Variants in KAT6B observed in about 807,000 individuals in gnomAD.
The protein encoded by KAT6B is lysine acetyltransferase 6B.
Under a neutral mutation model 187.5 loss-of-function variants are expected in KAT6B, and 10 were observed. The observed-to-expected ratio is 0.05, with a 90% CI of 0.03 to 0.09. KAT6B has a LOEUF of 0.09. KAT6B is among the 10% of genes least tolerant of loss of function. The pLI is 1.00. For synonymous variants in KAT6B, 861 were observed against 926.8 expected, an observed-to-expected ratio of 0.93 and a Z score of 1.29; for missense variants, 1,952 against 2,558.9, an observed-to-expected ratio of 0.76 and a Z score of 5.12.
intron 1 of KAT6B, among the ~76,000 whole-genome samples, chr10:74,830,750 A>ATATATATATATG (rs1384303088): frequency 9.2e-4 from 19 of 20,724 alleles, no homozygotes; most frequent in African/African-American, 6.1e-3. Flanking sequence ...ATATATATAT[A>ATATATATATATG]TATATATATA....
At chr10:75,016,390 C>T (rs1288577886) in intron 13 of KAT6B, among the ~76,000 whole-genome samples, 1 of 152,220 alleles carries the variant, frequency 6.6e-6, no homozygotes, top group Non-Finnish European at 1.5e-5. Context: ...TCCCTTTAAG[C>T]AGACATCTTG....
intron 12 of KAT6B, among the ~76,000 whole-genome samples, chr10:74,986,396 G>A (rs905519629): frequency 1.3e-5 from 2 of 152,102 alleles, no homozygotes; most frequent in African/African-American, 4.8e-5. Flanking sequence ...TTTTATATTA[G>A]GTGATACATG....
chr10:75,027,658 CAT>C (rs1423819532), intron 17 of KAT6B, among the ~76,000 whole-genome samples: 1 of 151,872 alleles, frequency 6.6e-6, no homozygotes, highest in African/African-American at 2.4e-5. Flanking sequence ...TTTATATTAA[CAT>C]GTGCATATAG....
chr10:74,910,765 A>G (rs1023323764), intron 3 of KAT6B, among the ~76,000 whole-genome samples: 2 of 152,170 alleles, frequency 1.3e-5, no homozygotes, highest in East Asian at 3.9e-4. Context: ...GGAAACTTGA[A>G]CTTGTATAAA....
intron 3 of KAT6B, among the ~76,000 whole-genome samples, chr10:74,860,805 C>T (rs1843124580): frequency 6.6e-6 from 1 of 152,062 alleles, no homozygotes; most frequent in African/African-American, 2.4e-5. Flanking sequence ...CGAGACCAGC[C>T]TGGGAAACAT....
chr10:74,890,722 A>G (rs1589559119), intron 3 of KAT6B, among the ~76,000 whole-genome samples: 1 of 152,374 alleles, frequency 6.6e-6, no homozygotes, highest in South Asian at 2.1e-4. Context: ...ACCTTGAGTC[A>G]GTGAACTCAT....
upstream of KAT6B, among the ~76,000 whole-genome samples, chr10:74,825,274 G>T (rs901382436): frequency 6.6e-6 from 1 of 151,972 alleles, no homozygotes; most frequent in East Asian, 1.9e-4. This position sits in a 1 kb window ranked among gnomAD's most constrained non-coding sequence, Gnocchi z 5.0. Context: ...CGCCCCAAAC[G>T]GCCCAGGCGT....
At chr10:74,941,015 T>A (rs1849634048) in intron 3 of KAT6B, among the ~76,000 whole-genome samples, 1 of 152,204 alleles carries the variant, frequency 6.6e-6, no homozygotes, top group East Asian at 1.9e-4. Context: ...AGTCTGTGGG[T>A]GAGACTTAGG....
chr10:74,954,343 T>C (rs1451684216), intron 3 of KAT6B, among the ~76,000 whole-genome samples: 1 of 152,200 alleles, frequency 6.6e-6, no homozygotes, highest in Non-Finnish European at 1.5e-5. Context: ...AATTATTGTT[T>C]AATGGATACA....
intron 3 of KAT6B, among the ~76,000 whole-genome samples, chr10:74,896,446 C>A (rs1432963714): frequency 6.6e-6 from 1 of 152,076 alleles, no homozygotes; most frequent in Non-Finnish European, 1.5e-5. Flanking sequence ...CACGCCACCA[C>A]GCCCAGCTAA....
In KAT6B at chr10:75,028,503, GATT is replaced by G; in HGVS notation, c.3680_3682del (p.Asp1227_Ser1228delinsAla). 1.2e-6 allele frequency: 2 copies of G among 1,614,090 alleles called. No homozygotes were observed. Among genetic ancestry groups the G allele is most frequent in the East Asian group, 4.5e-5 (2 of 44,882 alleles). On this transcript the variant is annotated inframe_deletion, in exon 18 of 18. Coordinates refer to ENST00000287239, the MANE Select transcript of KAT6B (RefSeq NM_012330.4). Reference sequence around the variant, plus strand: ...TCTTCACTAAGACAATATGAATGATGATTCAAGTAACTTGAAAGAAGGCAGTAA... The same window carrying G: ...TCTTCACTAAGACAATATGAATGATGCAAGTAACTTGAAAGAAGGCAGTAA...
Position 74,975,823 on chromosome 10 carries a change from C to T in KAT6B, c.1486C>T (p.Pro496Ser), listed in dbSNP as rs1842118862. 2 of 1,614,180 alleles carry T rather than the reference C, an allele frequency of 1.2e-6. No homozygotes were observed. The highest frequency in any genetic ancestry group is 1.7e-6 in the Non-Finnish European group (2 of 1,180,022). ...KLKPPPSSLP[P>S]PTPISGQSPS... is the part of the protein sequence containing the mutation. Reference sequence around the variant, plus strand: ...AAAACCTCCACCTTCTTCACTTCCACCCCCAACCCCCATCTCCGGTCAGAG... The same window carrying T: ...AAAACCTCCACCTTCTTCACTTCCATCCCCAACCCCCATCTCCGGTCAGAG... The change falls in exon 8 of 18, where the codon CCC (proline) becomes TCC (serine). Residue 496 changes from proline to serine, a missense_variant. Physicochemically the swap from Pro to Ser is moderately conservative, Grantham distance 74 (BLOSUM62 -1). Around this residue, in one of 9 missense-constraint regions of KAT6B, gnomAD observed 417 missense variants for 508.9 expected, o/e 0.82. Transcript: ENST00000287239.
At chr10:74,841,560 A>G (rs10762645) in intron 2 of KAT6B, among the ~76,000 whole-genome samples, 22,761 of 151,542 alleles carry the variant, frequency 0.15, 2,833 homozygotes, top group African/African-American at 0.33. Context: ...GCGAGACTCT[A>G]TCTCAAAAAA....
intron 1 of KAT6B, among the ~76,000 whole-genome samples, chr10:74,829,038 GAGAC>G (rs1840524859): frequency 6.6e-6 from 1 of 151,754 alleles, no homozygotes; most frequent in Non-Finnish European, 1.5e-5. Context: ...AGAAAAGAGA[GAGAC>G]AGAGGAAGAT....
intron 1 of KAT6B, among the ~76,000 whole-genome samples, chr10:74,827,811 T>C (rs2131891529): frequency 6.6e-6 from 1 of 152,180 alleles, no homozygotes; most frequent in South Asian, 2.1e-4. Flanking sequence ...ACAAGTTGTT[T>C]GATAGGCTGT....
intron 17 of KAT6B, among the ~76,000 whole-genome samples, chr10:75,026,440 AACAGG>A (rs1845844346): frequency 6.6e-6 from 1 of 152,156 alleles, no homozygotes; most frequent in African/African-American, 2.4e-5. Flanking sequence ...TAATCTGGGG[AACAGG>A]CCATCTCATT....
intron 8 of KAT6B, chr10:74,976,942 C>A (rs2278803): frequency 0.26 from 71,380 of 274,574 alleles, 17,262 homozygotes; most frequent in African/African-American, 0.75. Flanking sequence ...AAAACCGAAA[C>A]TGTGTCATTT....
intron 1 of KAT6B, among the ~76,000 whole-genome samples, chr10:74,828,404 T>TTTGC (rs1433468568): frequency 6.6e-6 from 1 of 151,414 alleles, no homozygotes; most frequent in Non-Finnish European, 1.5e-5. Flanking sequence ...CAAATGGAAA[T>TTTGC]TAGTTGTGTT....
At chr10:74,891,347 A>G (rs1589560292) in intron 3 of KAT6B, among the ~76,000 whole-genome samples, 1 of 152,224 alleles carries the variant, frequency 6.6e-6, no homozygotes, top group East Asian at 1.9e-4. Context: ...AGAATCTGAA[A>G]TGTGGAGGGT....
Sources: allele counts gnomAD v4.1 joint callset (sites outside exome capture counted in the v4.1 genomes callset), GRCh38; gene constraint gnomAD v4.1.1; regional missense constraint gnomAD v4.1.1; non-coding constraint Gnocchi (gnomAD v3.1); transcripts MANE v1.5; gene names NCBI Gene and HGNC (gene_info 2026-07-23, HGNC 2026-07-21).